Variants in CIZ1 observed in about 807,000 individuals in gnomAD.
CIZ1 encodes CDKN1A interacting zinc finger protein 1.
A neutral mutation model predicts 118.6 loss-of-function variants in CIZ1; 58 were observed. The ratio of observed to expected loss-of-function variants is 0.49; its 90% confidence interval spans 0.40 to 0.61. The LOEUF is 0.61. CIZ1 is among the 20% of genes least tolerant of loss of function. The pLI is 0.00. For synonymous variants in CIZ1, 448 were observed against 443.4 expected (o/e 1.01, Z -0.13); for missense variants, 921 against 1,115.9 (o/e 0.83, Z 2.49).
chr9:128,181,772 G>C (rs949621625), intron 5 of CIZ1, among the ~76,000 whole-genome samples: 1 of 151,784 alleles, frequency 6.6e-6, no homozygotes, highest in Non-Finnish European at 1.5e-5. Flanking sequence ...GGCGGGGGGG[G>C]GGGGGGGGTC....
chr9:128,170,045 T>C lies in CIZ1; in HGVS notation c.2006A>G (p.Gln669Arg). 2 of 1,613,946 alleles carry C rather than the reference T, an allele frequency of 1.2e-6. No homozygotes were observed. The highest frequency in any genetic ancestry group is 1.7e-6 in the Non-Finnish European group (2 of 1,179,968). The stretch of plus-strand genomic sequence containing the variant: ...CTTGTGGTCCTGTGTCCTGCGGTGT[T>C]GGATCAGGTCCCCCATGTAGTAGAG... ...CQLYYMGDLI[Q>R]HRRTQDHKIA... The change falls in exon 12 of 17, where the codon CAA (glutamine) becomes CGA (arginine). Residue 669 changes from glutamine (Q) to arginine (R), a missense_variant. By Grantham distance (43) the Gln-to-Arg change is conservative (BLOSUM62 1). Transcript: ENST00000372938.
chr9:128,177,751 C>G lies in CIZ1; in HGVS notation c.1633G>C (p.Gly545Arg). The G allele has an allele frequency of 6.3e-7, 1 of 1,597,130 alleles. No individual in the cohort carries two copies. Among genetic ancestry groups the G allele is most frequent in the East Asian group, 2.3e-5 (1 of 44,194 alleles). The change falls in exon 10 of 17, where the codon GGG becomes CGG. Residue 545 changes from glycine (G) to arginine (R), a missense_variant. Transcript: ENST00000372938. ...AGAATGGTGACCTTCAGGGAGCCCC[C>G]GGCGCCCCATACCTGCATGGGGAGT... ...AREMPGVWGA[G>R]GSLKVTILQS...
At chr9:128,170,134 C>T in intron 11 of CIZ1, 27 bp from the exon 12 acceptor site, 1 of 1,593,552 alleles carries the variant, frequency 6.3e-7, no homozygotes, top group Non-Finnish European at 8.6e-7. Context: ...AAAGCAAGTA[C>T]AATGTGACGC....
chr9:128,194,835 A>G (rs2131041523), upstream of CIZ1, among the ~76,000 whole-genome samples: 1 of 151,626 alleles, frequency 6.6e-6, no homozygotes, highest in African/African-American at 2.4e-5. Context: ...ACAAAAAAAA[A>G]GAGACAGGGT....
chr9:128,191,714 G>A (rs971815630), upstream of CIZ1: 12 of 1,332,762 alleles, frequency 9.0e-6, no homozygotes, highest in African/African-American at 1.7e-4. The surrounding 1 kb of genome is among the most constrained non-coding windows in gnomAD (Gnocchi z 5.5). Context: ...GTGCGAGGGG[G>A]TCCTGGGCGG....
rs1224176433 is a variant in CIZ1 at position 128,166,853 on chromosome 9, C to T, written c.2393G>A (p.Gly798Asp). 1.2e-6 allele frequency: 2 copies of T among 1,614,206 alleles called. No individual in the cohort carries two copies. The highest frequency in any genetic ancestry group is 3.3e-5 in the Admixed American group (2 of 60,032). The change falls in exon 16 of 17, where the codon GGC becomes GAC. Residue 798 changes from glycine to aspartate, a missense_variant. Transcript: ENST00000372938. This position sits in a 1 kb window ranked among gnomAD's most constrained non-coding sequence, Gnocchi z 4.4. ...CTTGTGGCAGATGCGGCAGATATAG[C>T]CCATCACGGGCACCAGGAAGTCCAC... is the stretch of plus-strand genomic sequence containing the variant. ...YGVDFLVPVMGYICRICHKFY... is the reference protein window; with the variant it reads ...YGVDFLVPVMDYICRICHKFY...
chr9:128,166,148 C>T lies in CIZ1; in HGVS notation c.*49G>A, dbSNP rs186647759. On this transcript the variant is annotated 3_prime_UTR_variant, in exon 17 of 17. Coordinates refer to ENST00000372938, the MANE Select transcript of CIZ1 (RefSeq NM_001131016.2). The surrounding 1 kb of genome is among the most constrained non-coding windows in gnomAD (Gnocchi z 4.4). ...AGTTTCCAGGCAGACTCCTAAAAAGCATTAGCAGATCTGGACCCAGGCAGG... is the reference window on the plus strand; with the variant it reads ...AGTTTCCAGGCAGACTCCTAAAAAGTATTAGCAGATCTGGACCCAGGCAGG... The T allele has an allele frequency of 1.7e-3, 2,200 of 1,261,840 alleles. No individual in the cohort carries two copies. The highest frequency in any genetic ancestry group is 2.1e-3 in the Non-Finnish European group (1,998 of 940,206). The allele number at this position is 1,261,840 out of a possible 1,614,324, so 78.2% of individuals were successfully genotyped here.
chr9:128,177,900 C>T, intron 9 of CIZ1, 137 bp from the exon 10 acceptor site: 2 of 649,486 alleles, frequency 3.1e-6, no homozygotes, highest in Admixed American at 6.1e-5. Flanking sequence ...TGTTAGCTGA[C>T]TACCCCAGCT....
chr9:128,195,845 C>A (rs955417742), upstream of CIZ1, among the ~76,000 whole-genome samples: 38 of 152,212 alleles, frequency 2.5e-4, no homozygotes, highest in Admixed American at 9.2e-4. Context: ...CCTTCCCCAG[C>A]CTCTGAAATC....
upstream of CIZ1, chr9:128,191,983 T>TAG (rs1401178321): frequency 1.9e-5 from 24 of 1,293,154 alleles, no homozygotes; most frequent in Middle Eastern, 3.9e-4. This position sits in a 1 kb window ranked among gnomAD's most constrained non-coding sequence, Gnocchi z 5.5. Flanking sequence ...GCCAAGGTCT[T>TAG]ACAGTCCGTC....
At chr9:128,201,672 TATC>T (rs1197887297) in intron 1 of CIZ1, among the ~76,000 whole-genome samples, 1 of 152,208 alleles carries the variant, frequency 6.6e-6, no homozygotes, top group East Asian at 1.9e-4. Flanking sequence ...GGTGAGCTGT[TATC>T]ATTGGCATCC....
chr9:128,166,632 T>C lies in CIZ1; in HGVS notation c.2487+127A>G, dbSNP rs549656669. 3.2e-5 allele frequency: 40 copies of C among 1,242,058 alleles called. 1 individual carries two copies. The South Asian group carries it at 4.9e-4, about 15-fold the overall frequency. 76.9% of individuals were successfully genotyped at this position (1,242,058 alleles called of 1,614,324 possible). Reference sequence around the variant, plus strand: ...ACCCCAGCTCTAATTCTCTCCCTGTTGGTGCAGGGGTGGTGCCTGGGGATT... The same window carrying C: ...ACCCCAGCTCTAATTCTCTCCCTGTCGGTGCAGGGGTGGTGCCTGGGGATT... On this transcript the variant is annotated intron_variant, in intron 16 of 16. Transcript: ENST00000372938. This position sits in a 1 kb window ranked among gnomAD's most constrained non-coding sequence, Gnocchi z 4.4.
At chr9:128,182,848 T>A (rs1831854288) in intron 5 of CIZ1, among the ~76,000 whole-genome samples, 2 of 151,988 alleles carry the variant, frequency 1.3e-5, no homozygotes, top group African/African-American at 4.8e-5. Context: ...AGTCTCGAAC[T>A]CCTGGGCTCA....
intron 4 of CIZ1, 100 bp downstream of exon 4, chr9:128,187,763 C>G: frequency 2.7e-6 from 1 of 367,248 alleles, no homozygotes; most frequent in South Asian, 7.5e-5. Context: ...CACTAGCACT[C>G]TAAGAAATGT....
upstream of CIZ1, among the ~76,000 whole-genome samples, chr9:128,193,445 AC>A (rs1001475416): frequency 1.3e-5 from 2 of 152,104 alleles, no homozygotes; most frequent in African/African-American, 4.8e-5. Flanking sequence ...ACAGCGGCTC[AC>A]CCCTGTAATC....
upstream of CIZ1, chr9:128,191,592 C>T: frequency 1.7e-6 from 2 of 1,165,064 alleles, no homozygotes; most frequent in East Asian, 7.8e-5. This position sits in a 1 kb window ranked among gnomAD's most constrained non-coding sequence, Gnocchi z 5.5. Context: ...CGGGCGGGGC[C>T]GGCCGGGGCA....
Position 128,166,989 on chromosome 9 carries a change from G to A in CIZ1, c.2365+106C>T, listed in dbSNP as rs889517118. ...CAACCCTCTAGGCAGGGGCAGAAGA[G>A]AAGGCTTCCCAGCCAGAATGCCATG... is the stretch of plus-strand genomic sequence containing the variant. On this transcript the variant is annotated intron_variant, in intron 15 of 16. Coordinates refer to ENST00000372938, the MANE Select transcript of CIZ1 (RefSeq NM_001131016.2). The surrounding 1 kb of genome is among the most constrained non-coding windows in gnomAD (Gnocchi z 4.4). The A allele has an allele frequency of 1.3e-6, 2 of 1,599,468 alleles. No homozygotes were observed. Among genetic ancestry groups the A allele is most frequent in the African/African-American group, 2.7e-5 (2 of 74,634 alleles).
chr9:128,174,720 C>T (rs1253296631), intron 11 of CIZ1, among the ~76,000 whole-genome samples: 1 of 152,020 alleles, frequency 6.6e-6, no homozygotes, highest in Non-Finnish European at 1.5e-5. Flanking sequence ...AGTGCAGTGG[C>T]GCGATCTCGG....
chr9:128,166,781 A>G lies in CIZ1; in HGVS notation c.2465T>C (p.Leu822Pro). The G allele has an allele frequency of 6.2e-7, 1 of 1,614,236 alleles. No individual in the cohort carries two copies. Among genetic ancestry groups the G allele is most frequent in the Non-Finnish European group, 8.5e-7 (1 of 1,180,032 alleles). The change falls in exon 16 of 17, where the codon CTG becomes CCG. Residue 822 changes from leucine to proline, a missense_variant. By Grantham distance (98) the Leu-to-Pro change is moderately conservative. Transcript: ENST00000372938. The surrounding 1 kb of genome is among the most constrained non-coding windows in gnomAD (Gnocchi z 4.4). ...SGAQLSHCKS[L>P]GHFENLQKYK... ...CACCTGCAGGTTCTCAAAGTGGCCC[A>G]GGGACTTGCAGTGGGAGAGCTGTGC...
Sources: gnomAD v4.1 joint callset for allele counts (sites outside exome capture counted in the v4.1 genomes callset) on GRCh38, gnomAD v4.1.1 for gene constraint, Gnocchi (gnomAD v3.1) non-coding constraint, MANE v1.5 for transcripts, NCBI Gene and HGNC (gene_info 2026-07-23, HGNC 2026-07-21) for gene names.